ACACA: variants seen among roughly 807,000 people sequenced by gnomAD.
ACACA encodes acetyl-CoA carboxylase 1.
In ACACA, 103 loss-of-function variants were observed where a neutral mutation model predicts 296.1. That is an observed-to-expected ratio of 0.35 (90% CI 0.30 to 0.41). ACACA has a LOEUF of 0.41. ACACA is among the 10% of genes least tolerant of loss of function. The probability of loss-of-function intolerance (pLI) is 1.00; values close to 1 mark genes in which losing one functional copy is unlikely to be tolerated. For synonymous variants in ACACA, 953 were observed against 1,038.6 expected, an observed-to-expected ratio of 0.92 and a Z score of 1.58; for missense variants, 1,554 against 2,989.7, an observed-to-expected ratio of 0.52 and a Z score of 11.20.
chr17:37,359,177 G>C (rs927304877), intron 1 of ACACA: 47 of 968,982 alleles, frequency 4.9e-5, no homozygotes, highest in Non-Finnish European at 5.6e-5. Context: ...CCCCGCCCCT[G>C]TCTCCCACCT....
At chr17:37,190,519 C>CA (rs2077711130) in intron 38 of ACACA, among the ~76,000 whole-genome samples, 1 of 151,998 alleles carries the variant, frequency 6.6e-6, no homozygotes, top group African/African-American at 2.4e-5. Context: ...AGGTCAAGTA[C>CA]AAAATCACCT....
Position 37,330,283 on chromosome 17 carries a change from C to T in ACACA, c.228G>A (p.Leu76=), listed in dbSNP as rs755908056. Residue 76 remains leucine, a synonymous_variant, in exon 3 of 56, where the codon TTG becomes TTA. Transcript: ENST00000616317. The part of the protein sequence containing the change: ...SEDEISNLVK[L]DLLEEKEGSL... The stretch of plus-strand genomic sequence containing the variant: ...AGCCCTCCTTCTCCTCCAGTAGGTC[C>T]AACTTCACCAGGTTGCTGATCTCAT... The T allele has an allele frequency of 6.2e-7, 1 of 1,614,176 alleles. No individual in the cohort carries two copies. The highest frequency in any genetic ancestry group is 2.2e-5 in the East Asian group (1 of 44,876).
At chr17:37,121,581 T>C in intron 49 of ACACA, 91 bp from the exon 50 acceptor site, 2 of 1,524,140 alleles carry the variant, frequency 1.3e-6, no homozygotes, top group Non-Finnish European at 1.8e-6. Flanking sequence ...TATTTAAAAC[T>C]GAAAACTAAA....
At chr17:37,165,967 T>G (rs2076650598) in intron 41 of ACACA, among the ~76,000 whole-genome samples, 1 of 151,930 alleles carries the variant, frequency 6.6e-6, no homozygotes, top group South Asian at 2.1e-4. Flanking sequence ...GTGAGCCACC[T>G]TGCCCAGCCT....
At chr17:37,260,129 G>C (rs1013511680) in intron 11 of ACACA, among the ~76,000 whole-genome samples, 1 of 149,358 alleles carries the variant, frequency 6.7e-6, no homozygotes, top group East Asian at 2.0e-4. Flanking sequence ...TGATCTACTC[G>C]CCTTGGCCTA....
chr17:37,203,467 G>A (rs1455000255), intron 33 of ACACA, among the ~76,000 whole-genome samples: 1 of 151,922 alleles, frequency 6.6e-6, no homozygotes, highest in African/African-American at 2.4e-5. Flanking sequence ...TTCCAGGCCG[G>A]GCGCAGTGGC....
At position 37,326,274 on chromosome 17, in the gene ACACA, G is replaced by A. The variant is rs1416044774; in HGVS notation, c.338+3899C>T. 2.6e-5 allele frequency among the ~76,000 whole-genome samples: 4 copies of A among 151,330 alleles called. No homozygotes were observed. In the East Asian group the frequency reaches 7.8e-4, roughly 29 times the overall value. On this transcript the variant is annotated intron_variant, in intron 3 of 55. Transcript: ENST00000616317. ...TGACAGGCACAGATTACAGGCTCATGCCTGTAATCTCAGCACTTTGGGAGG... is the reference window on the plus strand; with the variant it reads ...TGACAGGCACAGATTACAGGCTCATACCTGTAATCTCAGCACTTTGGGAGG...
Position 37,274,186 on chromosome 17 carries a change from A to C in ACACA, c.1008+7T>G. ...AAAGGTATCACTCCCTGGAGTTAGTAACCTACCTGTAGCCCATCATCCACA... is the reference window on the plus strand; with the variant it reads ...AAAGGTATCACTCCCTGGAGTTAGTCACCTACCTGTAGCCCATCATCCACA... On this transcript the variant is annotated splice_region_variant and intron_variant, in intron 9 of 55. Transcript: ENST00000616317. 3 of 1,606,978 alleles carry C rather than the reference A, an allele frequency of 1.9e-6. No homozygotes were observed. The highest frequency in any genetic ancestry group is 2.6e-6 in the Non-Finnish European group (3 of 1,173,454).
At chr17:37,128,023 TCAAA>T (rs2074891268) in intron 47 of ACACA, among the ~76,000 whole-genome samples, 2 of 22,532 alleles carry the variant, frequency 8.9e-5, no homozygotes, top group African/African-American at 4.3e-4. Flanking sequence ...AAACTCCATC[TCAAA>T]AAAAAAAAAA....
At chr17:37,286,209 T>C (rs776584637) in intron 3 of ACACA, among the ~76,000 whole-genome samples, 3 of 152,162 alleles carry the variant, frequency 2.0e-5, no homozygotes, top group Non-Finnish European at 2.9e-5. Context: ...GTATTTTTTC[T>C]TAGTGGTACA....
At chr17:37,173,997 T>TAA (rs2076990022) in intron 41 of ACACA, among the ~76,000 whole-genome samples, 1 of 11,628 alleles carries the variant, frequency 8.6e-5, no homozygotes, top group African/African-American at 2.6e-4. Context: ...TATATATATA[T>TAA]ATATATATAT....
chr17:37,229,980 T>C (rs1378798943), intron 25 of ACACA, among the ~76,000 whole-genome samples: 1 of 151,920 alleles, frequency 6.6e-6, no homozygotes, highest in Non-Finnish European at 1.5e-5. Context: ...GGCCAGAGAA[T>C]TGCCCAGGAG....
intron 3 of ACACA, among the ~76,000 whole-genome samples, chr17:37,325,890 A>C (rs2047598037): frequency 6.6e-6 from 1 of 151,426 alleles, no homozygotes; most frequent in African/African-American, 2.4e-5. Flanking sequence ...TTATTTTCAA[A>C]TGTTTGGGTC....
At position 37,200,520 on chromosome 17, in the gene ACACA, G is replaced by A. The variant is rs915767107; in HGVS notation, c.4057-37C>T. ...AACATGTAAAACAGAAGATAGATGA[G>A]ATTTCCATTCATTCTAAATTTTATC... On this transcript the variant is annotated intron_variant, in intron 33 of 55. Transcript: ENST00000616317. 3 of 1,561,180 alleles carry A rather than the reference G, an allele frequency of 1.9e-6. No homozygotes were observed. The Admixed American group carries it at 5.0e-5, about 26-fold the overall frequency.
chr17:37,228,131 C>A (rs1215990067), intron 25 of ACACA, among the ~76,000 whole-genome samples: 1 of 150,830 alleles, frequency 6.6e-6, no homozygotes, highest in African/African-American at 2.4e-5. Context: ...TTTTCCAAAA[C>A]CCCTACCTTC....
intron 38 of ACACA, 105 bp downstream of exon 38, chr17:37,191,015 G>A (rs2077729706): frequency 7.4e-7 from 1 of 1,355,222 alleles, no homozygotes; most frequent in Non-Finnish European, 1.0e-6. Context: ...GGGCTCAACA[G>A]CCTGAACAAG....
chr17:37,237,134 C>A (rs1159294801), intron 24 of ACACA, among the ~76,000 whole-genome samples: 1 of 151,964 alleles, frequency 6.6e-6, no homozygotes, highest in Non-Finnish European at 1.5e-5. Flanking sequence ...ATCACTGTAC[C>A]ATTTCTTTTC....
chr17:37,141,240 C>G (rs1425167355), intron 45 of ACACA: 2 of 587,670 alleles, frequency 3.4e-6, no homozygotes, highest in African/African-American at 3.7e-5. Flanking sequence ...AGAGATAGAT[C>G]TCCTCCAGGG....
rs1466753203 is a variant in ACACA, at chr17:37,206,014, A to C, written c.3949-142T>G. ...GGTTTGCCCAGCAGTAGGAATGAGCAAATTGAAACCACTGCCCAATAGCCA... is the reference window on the plus strand; with the variant it reads ...GGTTTGCCCAGCAGTAGGAATGAGCCAATTGAAACCACTGCCCAATAGCCA... On this transcript the variant is annotated intron_variant, in intron 32 of 55. Transcript: ENST00000616317. The C allele has an allele frequency of 1.3e-5, 9 of 714,836 alleles. No homozygotes were observed. In the Admixed American group the frequency reaches 1.6e-4, roughly 13 times the overall value. 44.3% of individuals were successfully genotyped at this position (714,836 alleles called of 1,614,324 possible). A position where few individuals can be genotyped will look rare whatever the true frequency, so the allele number is the denominator to read the frequency against.
Sources: gnomAD v4.1 joint callset for allele counts (sites outside exome capture counted in the v4.1 genomes callset) on GRCh38, gnomAD v4.1.1 for gene constraint, MANE v1.5 for transcripts, NCBI Gene and HGNC (gene_info 2026-07-23, HGNC 2026-07-21) for gene names.